Variants in RYR2 observed in about 807,000 individuals in gnomAD.
RYR2 encodes cardiac muscle ryanodine receptor-calcium release channel.
Under a neutral mutation model 601.1 loss-of-function variants are expected in RYR2, and 227 were observed. That is an observed-to-expected ratio of 0.38 (90% CI 0.34 to 0.42). The LOEUF is 0.42. Ranked by LOEUF, RYR2 falls within the 10% of genes least tolerant of loss-of-function variation. The pLI is 1.00. For missense variants in RYR2, 4,646 were observed against 6,156.5 expected, an observed-to-expected ratio of 0.75 and a Z score of 8.21; for synonymous variants, 2,223 against 2,175.1, an observed-to-expected ratio of 1.02 and a Z score of -0.61.
intron 1 of RYR2, among the ~76,000 whole-genome samples, chr1:237,130,217 T>C (rs1672011903): frequency 6.6e-6 from 1 of 152,204 alleles, no homozygotes; most frequent in African/African-American, 2.4e-5. Flanking sequence ...ATATACATAA[T>C]TTTTATTTGT....
chr1:237,671,750 G>A (rs1162549810), intron 58 of RYR2, among the ~76,000 whole-genome samples: 1 of 151,922 alleles, frequency 6.6e-6, no homozygotes, highest in African/African-American at 2.4e-5. Context: ...TTGGAATCTA[G>A]AAAAGTCTGA....
At chr1:237,091,865 GA>G (rs1265357001) in intron 1 of RYR2, among the ~76,000 whole-genome samples, 1 of 152,238 alleles carries the variant, frequency 6.6e-6, no homozygotes, top group Non-Finnish European at 1.5e-5. Context: ...TTCCTAGACT[GA>G]AGGTGCCCTG....
At chr1:237,548,206 G>C (rs1670020746) in intron 25 of RYR2, among the ~76,000 whole-genome samples, 1 of 152,136 alleles carries the variant, frequency 6.6e-6, no homozygotes, top group Non-Finnish European at 1.5e-5. Context: ...TCTCATTTCT[G>C]TCTTATTGGT....
rs1409897706 is a variant in RYR2 at position 237,711,761 on chromosome 1, A to C, written c.10247A>C (p.Glu3416Ala). The change falls in exon 71 of 105, where the codon GAG (glutamate) becomes GCG (alanine). Residue 3416 changes from glutamate (E) to alanine (A), a missense_variant. Physicochemically the swap from Glu to Ala is moderately radical, Grantham distance 107. Transcript: ENST00000366574. ...ACTTCTCAGAATTTCAAAAGAGAAG[A>C]GCAGAACTTCGTTGTACAGAATGAA... ...WSKSHNFKRE[E>A]QNFVVQNEIN... 3 of 1,577,774 alleles carry C rather than the reference A, an allele frequency of 1.9e-6. No homozygotes were observed. Among genetic ancestry groups the C allele is most frequent in the African/African-American group, 2.7e-5 (2 of 74,264 alleles).
intron 98 of RYR2, among the ~76,000 whole-genome samples, chr1:237,803,527 C>T (rs1370051340): frequency 2.0e-5 from 3 of 152,108 alleles, no homozygotes; most frequent in Non-Finnish European, 2.9e-5. Flanking sequence ...GTCTCGATCT[C>T]CTGACCTCGT....
At chr1:237,042,695 G>A in intron 1 of RYR2, 126 bp downstream of exon 1, 1 of 914,572 alleles carries the variant, frequency 1.1e-6, no homozygotes, top group Non-Finnish European at 1.5e-6. Flanking sequence ...GCCCCCTGAG[G>A]ATGCGGGAGG....
Position 237,666,948 on chromosome 1 carries a change from TG to T in RYR2, c.8514+360del, listed in dbSNP as rs777143775. ...AAAGTTGATACAACTTTTTCTAGGG[TG>T]TTTCAGCCGTATAACATATTTTCCT... On this transcript the variant is annotated intron_variant, in intron 57 of 104. Coordinates refer to ENST00000366574, the MANE Select transcript of RYR2 (RefSeq NM_001035.3). 2.6e-5 allele frequency among the ~76,000 whole-genome samples: 4 copies of T among 151,960 alleles called. No homozygotes were observed. The East Asian group carries it at 5.8e-4, about 22-fold the overall frequency.
chr1:237,616,126 G>T (rs1678436118), intron 37 of RYR2, among the ~76,000 whole-genome samples: 1 of 152,168 alleles, frequency 6.6e-6, no homozygotes, highest in Non-Finnish European at 1.5e-5. Context: ...GGAGGGTGGG[G>T]CAAAGGAGAT....
intron 17 of RYR2, among the ~76,000 whole-genome samples, chr1:237,487,595 C>A (rs1036639348): frequency 1.1e-4 from 16 of 148,816 alleles, no homozygotes; most frequent in Non-Finnish European, 1.9e-4. Context: ...TGGTGGCATG[C>A]ACCTATAGTC....
chr1:237,421,716 C>T (rs1705603680), intron 11 of RYR2, among the ~76,000 whole-genome samples: 1 of 152,120 alleles, frequency 6.6e-6, no homozygotes, highest in African/African-American at 2.4e-5. Context: ...TGAAAATCTC[C>T]ATATATTTAC....
At position 237,487,059 on chromosome 1, in the gene RYR2, A is replaced by G. The variant is rs528239513; in HGVS notation, c.1709-4747A>G. The stretch of plus-strand genomic sequence containing the variant: ...GAAATTTTTTTAAGTAATTTGTAGT[A>G]TATTTATAATTCTTTCATTCCATAA... On this transcript the variant is annotated intron_variant, in intron 17 of 104. Transcript: ENST00000366574. Among the ~76,000 whole-genome samples, 10 of 152,268 alleles carry G rather than the reference A, an allele frequency of 6.6e-5. 1 individual carries two copies. In the East Asian group the frequency reaches 1.9e-3, roughly 29 times the overall value.
intron 7 of RYR2, among the ~76,000 whole-genome samples, chr1:237,375,642 A>C (rs1421650975): frequency 6.6e-6 from 1 of 152,194 alleles, no homozygotes; most frequent in Non-Finnish European, 1.5e-5. Flanking sequence ...TTAATAGACC[A>C]ATGCATCGTC....
intron 29 of RYR2, among the ~76,000 whole-genome samples, chr1:237,574,503 T>C (rs1385096428): frequency 2.0e-5 from 3 of 152,180 alleles, no homozygotes; most frequent in Non-Finnish European, 4.4e-5. Flanking sequence ...ACTAAATCAG[T>C]TTACTTTGAG....
chr1:237,226,137 C>T (rs1684339004), intron 1 of RYR2, among the ~76,000 whole-genome samples: 1 of 151,968 alleles, frequency 6.6e-6, no homozygotes, highest in Admixed American at 6.6e-5. Context: ...GTTCACATTT[C>T]TGTTAGAACA....
Position 237,202,632 on chromosome 1 carries a change from T to C in RYR2, c.49-67865T>C, listed in dbSNP as rs557658690. On this transcript the variant is annotated intron_variant, in intron 1 of 104. Coordinates refer to ENST00000366574, the MANE Select transcript of RYR2 (RefSeq NM_001035.3). Reference sequence around the variant, plus strand: ...TATGTTGGCTAGGCTGGTCTTGAACTCCTGGCCTCAAGTGATCAACCCACA... The same window carrying C: ...TATGTTGGCTAGGCTGGTCTTGAACCCCTGGCCTCAAGTGATCAACCCACA... Among the ~76,000 whole-genome samples, 4 of 152,328 alleles carry C rather than the reference T, an allele frequency of 2.6e-5. No individual in the cohort carries two copies. In the East Asian group the frequency reaches 7.7e-4, roughly 29 times the overall value.
chr1:237,584,935 C>T (rs1674362164), intron 29 of RYR2, among the ~76,000 whole-genome samples: 1 of 151,610 alleles, frequency 6.6e-6, no homozygotes, highest in South Asian at 2.1e-4. Context: ...GAATCAGGGT[C>T]TCGCCATGTT....
At chr1:237,351,853 G>GC (rs1698870522) in intron 3 of RYR2, among the ~76,000 whole-genome samples, 1 of 27,484 alleles carries the variant, frequency 3.6e-5, no homozygotes, top group African/African-American at 1.6e-4. Flanking sequence ...CAAAGACCAT[G>GC]CAAAAAAAAA....
chr1:237,102,153 C>A (rs950441828), intron 1 of RYR2, among the ~76,000 whole-genome samples: 2 of 152,000 alleles, frequency 1.3e-5, no homozygotes, highest in Non-Finnish European at 2.9e-5. Context: ...CTGAGATGAG[C>A]CCCTAGGAAG....
chr1:237,126,185 C>T (rs552543560), intron 1 of RYR2, among the ~76,000 whole-genome samples: 11 of 150,396 alleles, frequency 7.3e-5, no homozygotes, highest in Admixed American at 3.3e-4. Flanking sequence ...TGCAGTGAGC[C>T]GAGATCATGC....
Sources: gnomAD v4.1 joint callset for allele counts (sites outside exome capture counted in the v4.1 genomes callset) on GRCh38, gnomAD v4.1.1 for gene constraint, MANE v1.5 for transcripts, NCBI Gene and HGNC (gene_info 2026-07-23, HGNC 2026-07-21) for gene names.